Variants in FBLN5 observed in about 807,000 individuals in gnomAD.
FBLN5 encodes the protein fibulin 5.
In FBLN5, 24 loss-of-function variants were observed where a neutral mutation model predicts 61.6. The observed-to-expected ratio is 0.39, with a 90% CI of 0.28 to 0.55. The LOEUF (loss-of-function observed/expected upper bound fraction) is 0.55, where lower values mean the gene tolerates loss of function less well. Ranked by LOEUF, FBLN5 falls within the 20% of genes least tolerant of loss-of-function variation. The pLI, the probability that FBLN5 is intolerant of heterozygous loss-of-function variation, is 0.65. For missense variants in FBLN5, 470 were observed against 594.1 expected (o/e 0.79, Z 2.17); for synonymous variants, 213 against 219.8 (o/e 0.97, Z 0.27).
rs1311160018 is a variant in FBLN5 at position 91,870,398 on chromosome 14, C to T, written c.1186-13G>A. 6.2e-7 allele frequency: 1 copy of T among 1,613,150 alleles called. No homozygotes were observed. The highest frequency in any genetic ancestry group is 8.5e-7 in the Non-Finnish European group (1 of 1,179,990). On this transcript the variant is annotated splice_polypyrimidine_tract_variant and intron_variant, in intron 10 of 10. Transcript: ENST00000342058. ...TGGGGCCCGTTTGCTATGGACAGAA[C>T]CGGGGAACACCAGTGAGAAAAGGCC...
At position 91,943,525 on chromosome 14, in the gene FBLN5, A is replaced by T. The variant is rs1040966919; in HGVS notation, c.18-564T>A. Among the ~76,000 whole-genome samples the T allele has an allele frequency of 2.3e-4, 35 of 151,790 alleles. No homozygotes were observed. On this transcript the variant is annotated intron_variant, in intron 1 of 10. Transcript: ENST00000342058. The surrounding 1 kb of genome is among the most constrained non-coding windows in gnomAD (Gnocchi z 4.0). Reference sequence around the variant, plus strand: ...CCTTGTCCTCCCCCCACCCCCCAAAAAAGCTAAAACCTCCCACTATGGTAT... The same window carrying T: ...CCTTGTCCTCCCCCCACCCCCCAAATAAGCTAAAACCTCCCACTATGGTAT...
intron 4 of FBLN5, among the ~76,000 whole-genome samples, chr14:91,924,233 G>A (rs924525989): frequency 6.6e-6 from 1 of 152,186 alleles, no homozygotes. Flanking sequence ...CACATAAATG[G>A]TAAATGGATA....
At chr14:91,904,362 G>C (rs1890586913) in intron 4 of FBLN5, among the ~76,000 whole-genome samples, 1 of 152,164 alleles carries the variant, frequency 6.6e-6, no homozygotes. Context: ...AGAGGATGAA[G>C]AATATCTAGT....
intron 4 of FBLN5, among the ~76,000 whole-genome samples, chr14:91,914,334 C>T (rs1162081295): frequency 6.6e-6 from 1 of 151,846 alleles, no homozygotes; most frequent in Non-Finnish European, 1.5e-5. Context: ...AAAATTTAGC[C>T]GAGCGTGGTG....
chr14:91,937,713 C>T (rs1186219770), intron 3 of FBLN5, among the ~76,000 whole-genome samples: 2 of 152,164 alleles, frequency 1.3e-5, no homozygotes, highest in African/African-American at 4.8e-5. Context: ...AGAGCCCCCA[C>T]CAGCAAGAAG....
At chr14:91,877,300 GA>G (rs1889211136) in intron 10 of FBLN5, among the ~76,000 whole-genome samples, 186 bp downstream of exon 10, 1 of 152,136 alleles carries the variant, frequency 6.6e-6, no homozygotes, top group South Asian at 2.1e-4. Flanking sequence ...CTCAGGAGGA[GA>G]AGCATCTTTT....
rs1888844677 is a variant in FBLN5, at chr14:91,870,056, G to A, written c.*168C>T. On this transcript the variant is annotated 3_prime_UTR_variant, in exon 11 of 11. Transcript: ENST00000342058. ...GGTGGCAAGTCCTGCAGGGTGACAGGTCTGCAATAGTACAGGTGAGAGTCA... is the reference window on the plus strand; with the variant it reads ...GGTGGCAAGTCCTGCAGGGTGACAGATCTGCAATAGTACAGGTGAGAGTCA... 1 of 706,326 alleles carries A rather than the reference G, an allele frequency of 1.4e-6. No homozygotes were observed. The highest frequency in any genetic ancestry group is 1.6e-5 in the South Asian group (1 of 63,982). The allele number at this position is 706,326 out of a possible 1,614,324, so 43.8% of individuals were successfully genotyped here. A position where few individuals can be genotyped will look rare whatever the true frequency, so the allele number is the denominator to read the frequency against.
At chr14:91,912,791 CA>C (rs1329115783) in intron 4 of FBLN5, among the ~76,000 whole-genome samples, 1 of 137,940 alleles carries the variant, frequency 7.2e-6, no homozygotes, top group African/African-American at 2.7e-5. Flanking sequence ...GCCTGGGTGA[CA>C]GAGTGAGACT....
At position 91,943,991 on chromosome 14, in the gene FBLN5, A is replaced by G. The variant is rs1039698354; in HGVS notation, c.18-1030T>C. On this transcript the variant is annotated intron_variant, in intron 1 of 10. Coordinates refer to ENST00000342058, the MANE Select transcript of FBLN5 (RefSeq NM_006329.4). This position sits in a 1 kb window ranked among gnomAD's most constrained non-coding sequence, Gnocchi z 4.0. ...TCTGCAACTCTGCCCTTCGCCACGCACAGGCTTTAATCCAGTAAGATTGTG... is the reference window on the plus strand; with the variant it reads ...TCTGCAACTCTGCCCTTCGCCACGCGCAGGCTTTAATCCAGTAAGATTGTG... 6.6e-6 allele frequency among the ~76,000 whole-genome samples: 1 copy of G among 152,184 alleles called. No homozygotes were observed. Among genetic ancestry groups the G allele is most frequent in the African/African-American group, 2.4e-5 (1 of 41,456 alleles).
chr14:91,890,036 C>T (rs573753415), intron 6 of FBLN5, among the ~76,000 whole-genome samples: 16 of 152,294 alleles, frequency 1.1e-4, no homozygotes, highest in African/African-American at 3.4e-4. Context: ...GGGAGCCAGG[C>T]GCCCCCTCCT....
intron 4 of FBLN5, among the ~76,000 whole-genome samples, chr14:91,931,351 C>T (rs1469107391): frequency 6.6e-6 from 1 of 152,320 alleles, no homozygotes; most frequent in South Asian, 2.1e-4. Flanking sequence ...TGCAAAACTC[C>T]ACATCCCCCT....
In FBLN5 at chr14:91,881,277, G is replaced by T; in HGVS notation, c.989+15C>A. 1 of 1,613,922 alleles carries T rather than the reference G, an allele frequency of 6.2e-7. No individual in the cohort carries two copies. Among genetic ancestry groups the T allele is most frequent in the African/African-American group, 1.3e-5 (1 of 75,006 alleles). On this transcript the variant is annotated intron_variant, in intron 9 of 10. Transcript: ENST00000342058. The stretch of plus-strand genomic sequence containing the variant: ...TCATCAGGTTTCTATTCCCCAGGGG[G>T]ACGCCGTGACTTACTTATCACTGAT...
chr14:91,872,029 A>C (rs1888957431), intron 10 of FBLN5, among the ~76,000 whole-genome samples: 1 of 152,192 alleles, frequency 6.6e-6, no homozygotes, highest in Non-Finnish European at 1.5e-5. Flanking sequence ...CTTTGTGTGC[A>C]CATTAAGTAT....
intron 4 of FBLN5, 100 bp downstream of exon 4, chr14:91,936,847 T>C (rs779714637): frequency 1.3e-5 from 18 of 1,373,932 alleles, no homozygotes; most frequent in South Asian, 2.3e-5. Context: ...CACTGGTGCA[T>C]TGAATGGCAA....
chr14:91,914,015 C>T (rs1891073692), intron 4 of FBLN5, among the ~76,000 whole-genome samples: 1 of 152,174 alleles, frequency 6.6e-6, no homozygotes, highest in African/African-American at 2.4e-5. Flanking sequence ...AGAAGAAAGG[C>T]TTACAGTTAA....
At chr14:91,926,845 A>ACCTGACTATC (rs2055838336) in intron 4 of FBLN5, among the ~76,000 whole-genome samples, 1 of 152,078 alleles carries the variant, frequency 6.6e-6, no homozygotes, top group Non-Finnish European at 1.5e-5. Flanking sequence ...GAGGGTGAAG[A>ACCTGACTATC]CCTGACTATC....
At chr14:91,892,576 C>T (rs2243400) in intron 5 of FBLN5, among the ~76,000 whole-genome samples, 43,857 of 152,164 alleles carry the variant, frequency 0.29, 6,513 homozygotes, top group African/African-American at 0.33. Context: ...AACCTGGCCA[C>T]TGCACTGCCC....
chr14:91,919,388 A>AG (rs760423153), intron 4 of FBLN5, among the ~76,000 whole-genome samples: 30,105 of 130,984 alleles, frequency 0.23, 3,896 homozygotes, highest in Admixed American at 0.3. Context: ...AAAGAAAGAA[A>AG]GAAAGGAAGG....
chr14:91,904,248 T>C (rs1393277533), intron 4 of FBLN5, among the ~76,000 whole-genome samples: 1 of 152,186 alleles, frequency 6.6e-6, no homozygotes, highest in Non-Finnish European at 1.5e-5. Context: ...GATACTTGAC[T>C]CTAAGACTCT....
Sources: gnomAD v4.1 joint callset for allele counts (sites outside exome capture counted in the v4.1 genomes callset) on GRCh38, gnomAD v4.1.1 for gene constraint, Gnocchi (gnomAD v3.1) non-coding constraint, MANE v1.5 for transcripts, NCBI Gene and HGNC (gene_info 2026-07-23, HGNC 2026-07-21) for gene names.